Variants in SYN3 observed in about 807,000 individuals in gnomAD.
SYN3 encodes synapsin III.
Under a neutral mutation model 65.8 loss-of-function variants are expected in SYN3, and 35 were observed. The ratio of observed to expected loss-of-function variants is 0.53; its 90% CI spans 0.41 to 0.70. SYN3 has a LOEUF of 0.70. Among genes scored for constraint, SYN3 ranks in the 30% least tolerant of loss-of-function variants. The pLI is 0.00. For missense variants in SYN3, 680 were observed against 749.0 expected, an observed-to-expected ratio of 0.91 and a Z score of 1.08; for synonymous variants, 270 against 292.9, an observed-to-expected ratio of 0.92 and a Z score of 0.80.
chr22:32,854,331 C>T (rs920848026), intron 6 of SYN3, among the ~76,000 whole-genome samples: 21 of 152,110 alleles, frequency 1.4e-4, no homozygotes, highest in Non-Finnish European at 2.6e-4. Context: ...CAAGTAGCTG[C>T]GGTGCCAAGC....
intron 6 of SYN3, among the ~76,000 whole-genome samples, chr22:32,787,961 G>C (rs1187489057): frequency 4.6e-5 from 7 of 152,200 alleles, no homozygotes; most frequent in Admixed American, 3.9e-4. Context: ...AAGGAGGTCA[G>C]TGTAGTGTAA....
intron 5 of SYN3, 100 bp from the exon 6 acceptor site, chr22:32,865,104 C>T (rs568607322): frequency 3.4e-5 from 32 of 952,094 alleles, no homozygotes; most frequent in Non-Finnish European, 5.1e-5. Flanking sequence ...TGTTCTGAGC[C>T]GAGCTTCAGT....
At chr22:33,006,877 AG>A in intron 1 of SYN3, 53 bp from the exon 2 acceptor site, 1 of 473,606 alleles carries the variant, frequency 2.1e-6, no homozygotes, top group East Asian at 3.1e-5. Flanking sequence ...CCCCCTTAAG[AG>A]CAAACAGATA....
At chr22:32,749,709 G>A (rs1038043361) in intron 6 of SYN3, among the ~76,000 whole-genome samples, 7 of 152,096 alleles carry the variant, frequency 4.6e-5, no homozygotes, top group African/African-American at 1.4e-4. Context: ...TTCAGTCTAC[G>A]GCATTAGTCT....
intron 3 of SYN3, among the ~76,000 whole-genome samples, chr22:32,949,040 T>C (rs2051204060): frequency 6.6e-6 from 1 of 152,152 alleles, no homozygotes; most frequent in African/African-American, 2.4e-5. Context: ...TACTTACCAG[T>C]TGAGCATCTC....
intron 2 of SYN3, among the ~76,000 whole-genome samples, chr22:32,987,210 G>A (rs1349233418): frequency 1.3e-5 from 2 of 152,092 alleles, no homozygotes; most frequent in Admixed American, 6.5e-5. Context: ...AGTGGAAATA[G>A]AGAAAGAGAT....
chr22:32,807,024 G>A (rs777814747), intron 6 of SYN3, among the ~76,000 whole-genome samples: 10 of 151,260 alleles, frequency 6.6e-5, no homozygotes, highest in South Asian at 2.1e-4. Context: ...TCAACAATGC[G>A]TACTAGAGAT....
intron 2 of SYN3, among the ~76,000 whole-genome samples, chr22:32,996,907 C>A (rs980705598): frequency 6.6e-6 from 1 of 152,218 alleles, no homozygotes; most frequent in Non-Finnish European, 1.5e-5. Context: ...TCACCGGAAT[C>A]CTGTGCTTGG....
chr22:32,680,522 T>C (rs1480772024), intron 6 of SYN3, among the ~76,000 whole-genome samples: 1 of 152,218 alleles, frequency 6.6e-6, no homozygotes, highest in Non-Finnish European at 1.5e-5. Context: ...GGGATCTGGC[T>C]GACAGCACTC....
chr22:33,006,122 A>ACTGTGGAC (rs2053188665), intron 2 of SYN3, among the ~76,000 whole-genome samples: 1 of 152,170 alleles, frequency 6.6e-6, no homozygotes. Context: ...CAGGCGAGGG[A>ACTGTGGAC]CTGTGGACCT....
In SYN3 at chr22:32,510,795, A is replaced by G. The variant is rs114149089; in HGVS notation, c.*2897T>C. The stretch of plus-strand genomic sequence containing the variant: ...GGAAAGAAGGGGGAAGGGCCCAGGA[A>G]CCTTCCAGTCTGAGAGGCTGGTATT... On this transcript the variant is annotated 3_prime_UTR_variant, in exon 14 of 14. Transcript: ENST00000358763. Among the ~76,000 whole-genome samples the G allele has an allele frequency of 1.3e-3, 196 of 152,232 alleles. 1 individual carries two copies. Among genetic ancestry groups the G allele is most frequent in the African/African-American group, 4.3e-3 (180 of 41,548 alleles).
intron 1 of SYN3, chr22:33,015,254 T>G: frequency 2.1e-6 from 1 of 474,854 alleles, no homozygotes; most frequent in South Asian, 2.6e-5. Flanking sequence ...TACTGTATCT[T>G]GGACGAGACT....
At chr22:32,986,770 T>G (rs1365836) in intron 2 of SYN3, among the ~76,000 whole-genome samples, 7 of 151,346 alleles carry the variant, frequency 4.6e-5, no homozygotes, top group African/African-American at 1.7e-4. Context: ...AATCTCATAA[T>G]AAGCTCCCTG....
At chr22:32,793,899 T>C (rs903940477) in intron 6 of SYN3, among the ~76,000 whole-genome samples, 1 of 152,216 alleles carries the variant, frequency 6.6e-6, no homozygotes, top group Admixed American at 6.5e-5. Flanking sequence ...CCAAACTAGT[T>C]GACCTGGGGG....
chr22:32,657,405 G>C (rs918189935), intron 6 of SYN3, among the ~76,000 whole-genome samples: 6 of 151,130 alleles, frequency 4.0e-5, no homozygotes, highest in African/African-American at 1.5e-4. Flanking sequence ...TTATAGGCGT[G>C]AGCCACCGCG....
chr22:32,985,333 T>A (rs1201053132), intron 2 of SYN3, among the ~76,000 whole-genome samples: 3 of 152,036 alleles, frequency 2.0e-5, no homozygotes, highest in African/African-American at 7.2e-5. Context: ...GACCCACAAA[T>A]AAACAAAACA....
chr22:33,044,852 T>C (rs1416977684), intron 1 of SYN3, among the ~76,000 whole-genome samples: 1 of 151,718 alleles, frequency 6.6e-6, no homozygotes, highest in African/African-American at 2.4e-5. Flanking sequence ...TTCTTTTTTT[T>C]TTTTTTTGAG....
intron 7 of SYN3, among the ~76,000 whole-genome samples, chr22:32,555,481 T>C (rs919274474): frequency 3.3e-5 from 5 of 152,206 alleles, no homozygotes; most frequent in Non-Finnish European, 7.3e-5. Context: ...CAAGCCTCCA[T>C]AGAAGTCCCA....
At chr22:32,600,807 A>T (rs2059270803) in intron 6 of SYN3, among the ~76,000 whole-genome samples, 1 of 151,640 alleles carries the variant, frequency 6.6e-6, no homozygotes, top group South Asian at 2.1e-4. Context: ...CCTGCCTCAG[A>T]CTTCCGAGTA....
Sources: gnomAD v4.1 joint callset for allele counts (sites outside exome capture counted in the v4.1 genomes callset) on GRCh38, gnomAD v4.1.1 for gene constraint, MANE v1.5 for transcripts, NCBI Gene and HGNC (gene_info 2026-07-23, HGNC 2026-07-21) for gene names.